The following PCDH11X variants were observed in gnomAD, a reference collection of about 807,000 sequenced individuals.
PCDH11X encodes protocadherin 11 X-linked, also known as protocadherin-11 X-linked.
PCDH11X carries 18 observed loss-of-function variants against 53.3 expected under a neutral mutation model. The ratio of observed to expected loss-of-function variants is 0.34; its 90% CI spans 0.23 to 0.50. The LOEUF (loss-of-function observed/expected upper bound fraction) is 0.50. Among genes scored for constraint, PCDH11X ranks in the 20% least tolerant of loss-of-function variants. The probability of loss-of-function intolerance (pLI) is 0.98; values close to 1 mark genes in which losing one functional copy is unlikely to be tolerated. For synonymous variants in PCDH11X, 279 were observed against 393.3 expected (o/e 0.71, Z 3.44); for missense variants, 570 against 1,032.4 (o/e 0.55, Z 6.14).
chrX:92,440,035 T>C, intron 9 of PCDH11X, among the ~76,000 whole-genome samples: 1 of 89,190 alleles, frequency 1.1e-5, no homozygotes, highest in East Asian at 3.9e-4. Context: ...AGTGTGAACA[T>C]GTTTTTCCTC....
intron 7 of PCDH11X, among the ~76,000 whole-genome samples, chrX:92,247,824 C>T (rs1009428293): frequency 9.0e-6 from 1 of 111,517 alleles, no homozygotes; most frequent in African/African-American, 3.3e-5. Context: ...CAAATAAGGC[C>T]ACACTTTGAG....
At chrX:92,078,785 GTA>G (rs1358807381) in intron 6 of PCDH11X, among the ~76,000 whole-genome samples, 1 of 110,995 alleles carries the variant, frequency 9.0e-6, no homozygotes, top group Non-Finnish European at 1.9e-5. Flanking sequence ...GTCACTCAGT[GTA>G]TTTTTGCATG....
At chrX:91,962,809 C>A (rs1003586456) in intron 6 of PCDH11X, among the ~76,000 whole-genome samples, 6 of 110,946 alleles carry the variant, frequency 5.4e-5, no homozygotes, top group African/African-American at 2.0e-4. Context: ...AACCTCAATT[C>A]TTGGCTTCTG....
intron 6 of PCDH11X, among the ~76,000 whole-genome samples, chrX:92,105,672 G>A (rs61075798): frequency 0.15 from 15,227 of 102,041 alleles, 1,257 homozygotes; most frequent in East Asian, 0.37. Context: ...AGTGGGGGTC[G>A]CAAGGTGCTC....
intron 9 of PCDH11X, among the ~76,000 whole-genome samples, chrX:92,465,639 T>C (rs2073142227): frequency 9.0e-6 from 1 of 111,689 alleles, no homozygotes; most frequent in Non-Finnish European, 1.9e-5. Context: ...CTCATTTACT[T>C]TTAGCCAGAT....
At chrX:92,184,492 T>C (rs774193688) in intron 6 of PCDH11X, among the ~76,000 whole-genome samples, 1 of 111,875 alleles carries the variant, frequency 8.9e-6, no homozygotes, top group East Asian at 2.8e-4. Context: ...TCTTAGAATT[T>C]GTAAGGAACC....
At chrX:91,796,340 T>C (rs1935733393) in intron 1 of PCDH11X, among the ~76,000 whole-genome samples, 1 of 111,728 alleles carries the variant, frequency 9.0e-6, no homozygotes. Context: ...TAAATTCTTT[T>C]AAGAAATAAT....
chrX:92,496,431 G>A (rs35527786), intron 10 of PCDH11X, among the ~76,000 whole-genome samples: 3 of 107,580 alleles, frequency 2.8e-5, no homozygotes, highest in Non-Finnish European at 3.8e-5. Context: ...GGAATTAATC[G>A]TTGGAGGAAA....
chrX:91,829,444 C>CACACA (rs1569400551), intron 4 of PCDH11X, among the ~76,000 whole-genome samples: 3 of 45,917 alleles, frequency 6.5e-5, no homozygotes, highest in African/African-American at 1.2e-4. Context: ...ACACACACAC[C>CACACA]CACAATTATA....
chrX:92,292,183 A>G (rs2068506878), intron 8 of PCDH11X, among the ~76,000 whole-genome samples: 1 of 111,839 alleles, frequency 8.9e-6, no homozygotes, highest in Non-Finnish European at 1.9e-5. Context: ...TAATGAAGTG[A>G]CTGATCAATG....
intron 5 of PCDH11X, among the ~76,000 whole-genome samples, chrX:91,863,727 T>C (rs1240454936): frequency 9.0e-6 from 1 of 111,668 alleles, no homozygotes; most frequent in East Asian, 2.8e-4. Flanking sequence ...TCTGGTGAAA[T>C]GTTTTAGTCT....
intron 10 of PCDH11X, among the ~76,000 whole-genome samples, chrX:92,494,219 G>T: frequency 9.2e-6 from 1 of 108,955 alleles, no homozygotes; most frequent in South Asian, 4.1e-4. Flanking sequence ...AAATAGTAAA[G>T]AGGTATAAGT....
In PCDH11X at chrX:92,272,205, G is replaced by A. The variant is rs377561523; in HGVS notation, c.3144+9062G>A. ...ATGTGTTTCTCCAGTAAAGTTAGCCGGGGTTGCTGTGTCAGATATTGAGCC... is the reference window on the plus strand; with the variant it reads ...ATGTGTTTCTCCAGTAAAGTTAGCCAGGGTTGCTGTGTCAGATATTGAGCC... On this transcript the variant is annotated intron_variant, in intron 8 of 10. Transcript: ENST00000682573. Among the ~76,000 whole-genome samples, 7 of 111,852 alleles carry A rather than the reference G, an allele frequency of 6.3e-5. No homozygotes were observed. In the East Asian group the frequency reaches 1.4e-3, roughly 22 times the overall value.
At chrX:92,546,774 T>C (rs1015375748) in intron 10 of PCDH11X, among the ~76,000 whole-genome samples, 2 of 111,669 alleles carry the variant, frequency 1.8e-5, no homozygotes, top group Non-Finnish European at 3.8e-5. Flanking sequence ...CTGCCCTCCA[T>C]TTACGCAAGT....
intron 6 of PCDH11X, among the ~76,000 whole-genome samples, chrX:92,006,592 T>C (rs771264868): frequency 9.0e-6 from 1 of 111,269 alleles, no homozygotes; most frequent in South Asian, 3.8e-4. Context: ...CATACCCCTG[T>C]TCCTCCAGGA....
intron 5 of PCDH11X, among the ~76,000 whole-genome samples, chrX:91,849,006 TAATA>T (rs200371808): frequency 0.059 from 6,464 of 109,409 alleles, 501 homozygotes; most frequent in African/African-American, 0.2. Flanking sequence ...TGCCTTTAAT[TAATA>T]GAGATAGCTT....
chrX:92,348,199 G>A (rs183494539), intron 8 of PCDH11X, among the ~76,000 whole-genome samples: 89 of 111,790 alleles, frequency 8.0e-4, no homozygotes, highest in African/African-American at 2.8e-3. Flanking sequence ...TTTCAGCTCT[G>A]AGGACGTCTG....
At chrX:91,843,373 G>A (rs1937560191) in intron 5 of PCDH11X, among the ~76,000 whole-genome samples, 1 of 102,721 alleles carries the variant, frequency 9.7e-6, no homozygotes, top group South Asian at 4.9e-4. Flanking sequence ...GCAGTGGCAC[G>A]ATCTCGGCTT....
intron 6 of PCDH11X, among the ~76,000 whole-genome samples, chrX:92,019,425 C>A (rs1488445594): frequency 9.0e-6 from 1 of 110,753 alleles, no homozygotes; most frequent in Non-Finnish European, 1.9e-5. Flanking sequence ...CTTCTCATCA[C>A]CACATGGCAT....
Sources: gnomAD v4.1 joint callset for allele counts (sites outside exome capture counted in the v4.1 genomes callset) on GRCh38, gnomAD v4.1.1 for gene constraint, MANE v1.5 for transcripts, NCBI Gene and HGNC (gene_info 2026-07-23, HGNC 2026-07-21) for gene names.